Variants in TTN observed in about 807,000 individuals in gnomAD.
The protein encoded by TTN is titin, also known as connectin.
In TTN, 1,525 loss-of-function variants were observed where a neutral mutation model predicts 3,223.0. The observed-to-expected ratio is 0.47, with a 90% CI of 0.45 to 0.49. TTN has a LOEUF of 0.49. TTN is among the 20% of genes least tolerant of loss of function. The pLI is 0.00. For missense variants in TTN, 40,786 were observed against 43,424.0 expected (o/e 0.94, Z 5.40); for synonymous variants, 14,094 against 15,161.0 (o/e 0.93, Z 5.17).
In TTN at chr2:178,556,908, C is replaced by T; in HGVS notation, c.88246G>A (p.Val29416Ile). Residue 29416 changes from valine to isoleucine, a missense_variant, in exon 330 of 363, where the codon GTT (valine) becomes ATT (isoleucine). Val to Ile is a conservative substitution (Grantham distance 29). Coordinates refer to ENST00000589042, the MANE Select transcript of TTN (RefSeq NM_001267550.2). ...TCAGATGGATTGCTAATGGAACCAA[C>T]AGCATTCCTAGCAAAGACACGGAAT... ...YEFRVFARNA[V>I]GSISNPSEVV... 1 of 1,613,798 alleles carries T rather than the reference C, an allele frequency of 6.2e-7. No homozygotes were observed. Among genetic ancestry groups the T allele is most frequent in the Non-Finnish European group, 8.5e-7 (1 of 1,179,804 alleles).
chr2:178,749,953 A>C (rs760441800), intron 47 of TTN: 1 of 1,613,208 alleles, frequency 6.2e-7, no homozygotes, highest in South Asian at 1.1e-5. Context: ...TATCAGACAA[A>C]AATACAAATC....
At position 178,567,732 on chromosome 2, in the gene TTN, G is replaced by A. The variant is rs753708513; in HGVS notation, c.78400C>T (p.Arg26134Cys). 6 of 1,612,298 alleles carry A rather than the reference G, an allele frequency of 3.7e-6. No homozygotes were observed. The highest frequency in any genetic ancestry group is 4.2e-6 in the Non-Finnish European group (5 of 1,178,728). ...IVEKRDLPDG[R>C]WMKASFTNVI... ...TTTGTAAAGCTAGCTTTCATCCAAC[G>A]ACCATCAGGCAAATCACGTTTCTCT... The change falls in exon 326 of 363, where the codon CGT (arginine) becomes TGT (cysteine). Residue 26134 changes from arginine to cysteine, a missense_variant. Transcript: ENST00000589042.
In TTN at chr2:178,790,062, G is replaced by C. The variant is rs796594575; in HGVS notation, c.1854C>G (p.Pro618=). The C allele has an allele frequency of 3.1e-6, 5 of 1,612,988 alleles. No individual in the cohort carries two copies. In the Admixed American group the frequency reaches 5.0e-5, roughly 16 times the overall value. The change falls in exon 12 of 363, where the codon CCC becomes CCG. Residue 618 remains proline (P), a synonymous_variant. Coordinates refer to ENST00000589042, the MANE Select transcript of TTN (RefSeq NM_001267550.2). ...ATACTAAATCTTGTTCTTTGACTTT[G>C]GGTGTGGCAACTATGACTTTAGGTA... is the stretch of plus-strand genomic sequence containing the variant. The part of the protein sequence containing the change: ...TVVPKVIVAT[P]KVKEQDLVSR...
intron 359 of TTN, 67 bp from the exon 360 acceptor site, chr2:178,529,286 T>C: frequency 8.3e-7 from 1 of 1,207,274 alleles, no homozygotes; most frequent in Non-Finnish European, 1.1e-6. Context: ...CTCTTCTAGA[T>C]TCTGCGTGTG....
chr2:178,619,073 A>C (rs1185061872), intron 250 of TTN: 1 of 615,320 alleles, frequency 1.6e-6, no homozygotes, highest in Non-Finnish European at 2.7e-6. Context: ...AGAATGGCAT[A>C]AAATCATAAG....
chr2:178,564,195 C>G lies in TTN; in HGVS notation c.81937G>C (p.Gly27313Arg). 6.2e-7 allele frequency: 1 copy of G among 1,613,606 alleles called. No individual in the cohort carries two copies. The highest frequency in any genetic ancestry group is 8.5e-7 in the Non-Finnish European group (1 of 1,179,742). ...PIPDVVWSKD[G>R]KELEETAARM... The stretch of plus-strand genomic sequence containing the variant: ...GCAGCTGTTTCTTCAAGTTCTTTTC[C>G]ATCTTTTGACCAAACAACATCAGGT... Residue 27313 changes from glycine to arginine, a missense_variant, in exon 326 of 363, where the codon GGA becomes CGA. By Grantham distance (125) the Gly-to-Arg change is moderately radical. Transcript: ENST00000589042.
chr2:178,605,417 C>T lies in TTN; in HGVS notation c.53878G>A (p.Glu17960Lys). The T allele has an allele frequency of 6.3e-7, 1 of 1,584,114 alleles. No individual in the cohort carries two copies. Among genetic ancestry groups the T allele is most frequent in the Non-Finnish European group, 8.6e-7 (1 of 1,164,938 alleles). The stretch of plus-strand genomic sequence containing the variant: ...TTATTATATTCAGATTCCGCACCTT[C>T]ATCATCTTGTATGACTACATTAAGA... ...LPLNVVIQDD[E>K]VPPTIKLRLS... The change falls in exon 279 of 363, where the codon GAA becomes AAA. Residue 17960 changes from glutamate to lysine, a missense_variant. Coordinates refer to ENST00000589042, the MANE Select transcript of TTN (RefSeq NM_001267550.2).
chr2:178,683,678 A>C (rs1385758570), intron 133 of TTN, among the ~76,000 whole-genome samples: 1 of 152,040 alleles, frequency 6.6e-6, no homozygotes, highest in African/African-American at 2.4e-5. Flanking sequence ...AGAATTGAAA[A>C]AATTAAAAAT....
At chr2:178,676,897 T>C (rs946198619) in intron 147 of TTN, among the ~76,000 whole-genome samples, 2 of 151,674 alleles carry the variant, frequency 1.3e-5, no homozygotes, top group African/African-American at 4.8e-5. Flanking sequence ...TTTAAATATA[T>C]AGTATACTTA....
At chr2:178,699,618 A>G (rs2154287601) in intron 111 of TTN, among the ~76,000 whole-genome samples, 1 of 140,480 alleles carries the variant, frequency 7.1e-6, no homozygotes, top group South Asian at 2.3e-4. Context: ...TCACCGTGTT[A>G]GCCAAGATGG....
chr2:178,534,702 G>A lies in TTN; in HGVS notation c.101913C>T (p.Asn33971=). The change falls in exon 358 of 363, where the codon AAC becomes AAT. Residue 33971 remains asparagine, a synonymous_variant. Transcript: ENST00000589042. ...GQARQLKPGD[N]FRLLFTAPEY... The stretch of plus-strand genomic sequence containing the variant: ...CTGGGGCAGTGAATAGAAGCCTGAA[G>A]TTGTCCCCTGGTTTCAGCTGACGGG... 6.2e-7 allele frequency: 1 copy of A among 1,613,830 alleles called. No homozygotes were observed. Among genetic ancestry groups the A allele is most frequent in the Non-Finnish European group, 8.5e-7 (1 of 1,179,786 alleles).
At position 178,583,602 on chromosome 2, in the gene TTN, C is replaced by T. The variant is rs2048273333; in HGVS notation, c.65575+5G>A. On this transcript the variant is annotated splice_donor_5th_base_variant and intron_variant, in intron 312 of 362. Transcript: ENST00000589042. ...CTTTGCCTATAATACTCAGCAGAAT[C>T]TTACCATTTTCTGCGAGGATAGTCA... The T allele has an allele frequency of 6.3e-7, 1 of 1,589,568 alleles. No individual in the cohort carries two copies. Among genetic ancestry groups the T allele is most frequent in the Non-Finnish European group, 8.6e-7 (1 of 1,165,860 alleles).
chr2:178,740,448 A>G lies in TTN; in HGVS notation c.12785T>C (p.Ile4262Thr). 6.2e-7 allele frequency: 1 copy of G among 1,613,556 alleles called. No homozygotes were observed. The highest frequency in any genetic ancestry group is 1.1e-5 in the South Asian group (1 of 91,054). Residue 4262 changes from isoleucine (I) to threonine (T), a missense_variant, in exon 48 of 363, where the codon ATC (isoleucine) becomes ACC (threonine). Transcript: ENST00000589042. ...LQKQEAQSAL[I>T]LSQSLAEGHV... Reference sequence around the variant, plus strand: ...TCCCTCAGCTAAGCTCTGACTCAAGATGAGCGCACTTTGTGCCTCTTGCTT... The same window carrying G: ...TCCCTCAGCTAAGCTCTGACTCAAGGTGAGCGCACTTTGTGCCTCTTGCTT...
rs776941377 is a variant in TTN, at chr2:178,750,373, C to T, written c.11311+2751G>A. On this transcript the variant is annotated intron_variant, in intron 47 of 362. Coordinates refer to ENST00000589042, the MANE Select transcript of TTN (RefSeq NM_001267550.2). The stretch of plus-strand genomic sequence containing the variant: ...GCACACAAGTAATAGAACCTTCATT[C>T]TGATGATGAACAGATGAAAGAGTTA... 2.5e-6 allele frequency: 4 copies of T among 1,613,060 alleles called. No homozygotes were observed. In the East Asian group the frequency reaches 8.9e-5, roughly 36 times the overall value.
chr2:178,652,028 A>G lies in TTN; in HGVS notation c.39296-61T>C. On this transcript the variant is annotated intron_variant, in intron 204 of 362. Transcript: ENST00000589042. ...GACTAAAACTGAGATAGTTTGCAAA[A>G]AAATGTTTTTACAACACTAAGGAAA... The G allele has an allele frequency of 1.9e-6, 3 of 1,611,718 alleles. No individual in the cohort carries two copies. The Admixed American group carries it at 5.0e-5, about 27-fold the overall frequency.
chr2:178,804,611 G>A lies in TTN; in HGVS notation c.32C>T (p.Pro11Leu), dbSNP rs768624416. The A allele has an allele frequency of 2.7e-5, 44 of 1,613,822 alleles. No homozygotes were observed. The highest frequency in any genetic ancestry group is 6.7e-5 in the African/African-American group (5 of 74,910). Reference sequence around the variant, plus strand: ...CTCCAGTACCACAACGCTTTGTAACGGCTGCGTAAACGTCGGTGCTTGAGT... The same window carrying A: ...CTCCAGTACCACAACGCTTTGTAACAGCTGCGTAAACGTCGGTGCTTGAGT... MTTQAPTFTQ[P>L]LQSVVVLEGS... Residue 11 changes from proline (P) to leucine (L), a missense_variant, in exon 2 of 363, where the codon CCG (proline) becomes CTG (leucine). By Grantham distance (98) the Pro-to-Leu change is moderately conservative. Transcript: ENST00000589042.
At chr2:178,766,638 C>G (rs766029627) in intron 40 of TTN, 26 bp from the exon 41 acceptor site, 1 of 1,433,398 alleles carries the variant, frequency 7.0e-7, no homozygotes, top group Admixed American at 2.4e-5. Context: ...CATAAAAAAA[C>G]AACAACAACA....
intron 47 of TTN, among the ~76,000 whole-genome samples, chr2:178,752,448 G>C (rs902127302): frequency 3.3e-5 from 5 of 152,072 alleles, no homozygotes; most frequent in African/African-American, 1.2e-4. Flanking sequence ...TTATATTTTT[G>C]AGAATCAACT....
chr2:178,663,599 T>C lies in TTN; in HGVS notation c.36532+28A>G. On this transcript the variant is annotated intron_variant, in intron 171 of 362. Coordinates refer to ENST00000589042, the MANE Select transcript of TTN (RefSeq NM_001267550.2). The stretch of plus-strand genomic sequence containing the variant: ...TTTCCAGAGCAGAAGAGATACATCA[T>C]CTGAAGCCTAAAATCAGTGACAAAT... The C allele has an allele frequency of 1.9e-6, 3 of 1,613,690 alleles. No individual in the cohort carries two copies. In the African/African-American group the frequency reaches 4.0e-5, roughly 22 times the overall value.
Sources: gnomAD v4.1 joint callset for allele counts (sites outside exome capture counted in the v4.1 genomes callset) on GRCh38, gnomAD v4.1.1 for gene constraint, MANE v1.5 for transcripts, NCBI Gene and HGNC (gene_info 2026-07-23, HGNC 2026-07-21) for gene names.